ACVR1C: variants seen among roughly 807,000 people sequenced by gnomAD.
ACVR1C encodes the protein activin receptor type-1C.
In ACVR1C, 23 loss-of-function variants were observed where a neutral mutation model predicts 57.9. That is an observed-to-expected ratio of 0.40 (90% confidence interval 0.29 to 0.56). The LOEUF (loss-of-function observed/expected upper bound fraction) is 0.56, where lower values mean the gene tolerates loss of function less well. ACVR1C is among the 20% of genes least tolerant of loss of function. The pLI is 0.50. For missense variants in ACVR1C, 480 were observed against 607.9 expected (o/e 0.79, Z 2.21); for synonymous variants, 214 against 215.3 (o/e 0.99, Z 0.05).
intron 4 of ACVR1C, among the ~76,000 whole-genome samples, chr2:157,548,991 T>G (rs1395191236): frequency 6.6e-6 from 1 of 152,188 alleles, no homozygotes; most frequent in Non-Finnish European, 1.5e-5. Flanking sequence ...TCAGCTAGTA[T>G]TAATTGGTAT....
intron 1 of ACVR1C, among the ~76,000 whole-genome samples, chr2:157,591,859 G>T (rs1689059351): frequency 6.6e-6 from 1 of 152,012 alleles, no homozygotes; most frequent in Non-Finnish European, 1.5e-5. Context: ...ACAAAATGAG[G>T]CTCAAAAAGA....
rs960272513 is a variant in ACVR1C, at chr2:157,628,748, C to T, written c.-104G>A. On this transcript the variant is annotated 5_prime_UTR_variant, in exon 1 of 9. Coordinates refer to ENST00000243349, the MANE Select transcript of ACVR1C (RefSeq NM_145259.3). ...GTTCCCGGGCCGCGGGAGGGGAGCGCGGCACCGACACCCTTTTGAAGTGCG... is the reference window on the plus strand; with the variant it reads ...GTTCCCGGGCCGCGGGAGGGGAGCGTGGCACCGACACCCTTTTGAAGTGCG... 3.9e-6 allele frequency: 4 copies of T among 1,035,628 alleles called. No homozygotes were observed. The highest frequency in any genetic ancestry group is 3.3e-5 in the Admixed American group (1 of 30,432). 64.2% of individuals were successfully genotyped at this position (1,035,628 alleles called of 1,614,324 possible). A position where few individuals can be genotyped will look rare whatever the true frequency, so the allele number is the denominator to read the frequency against.
chr2:157,605,141 G>C (rs1167899248), intron 1 of ACVR1C, among the ~76,000 whole-genome samples: 4 of 151,350 alleles, frequency 2.6e-5, no homozygotes, highest in Non-Finnish European at 4.4e-5. Flanking sequence ...TGTTGAAAAG[G>C]CTATTCTTTC....
At chr2:157,557,072 G>A (rs1688122309) in intron 2 of ACVR1C, among the ~76,000 whole-genome samples, 1 of 151,792 alleles carries the variant, frequency 6.6e-6, no homozygotes, top group South Asian at 2.1e-4. Flanking sequence ...CAATGGTGAG[G>A]AAAGAGCCCA....
At chr2:157,581,339 A>T (rs1688785493) in intron 2 of ACVR1C, among the ~76,000 whole-genome samples, 1 of 152,178 alleles carries the variant, frequency 6.6e-6, no homozygotes, top group Non-Finnish European at 1.5e-5. Flanking sequence ...CTTTGAAAAT[A>T]TGAAAAAAAG....
At chr2:157,558,693 T>C (rs1184369223) in intron 2 of ACVR1C, among the ~76,000 whole-genome samples, 1 of 152,222 alleles carries the variant, frequency 6.6e-6, no homozygotes, top group East Asian at 1.9e-4. Context: ...CAGGTGCATA[T>C]GAGGAGAAAT....
At chr2:157,566,468 G>C (rs981292119) in intron 2 of ACVR1C, among the ~76,000 whole-genome samples, 3 of 152,214 alleles carry the variant, frequency 2.0e-5, no homozygotes, top group African/African-American at 7.2e-5. Context: ...TCTCACTACG[G>C]AGTGCCAGAC....
intron 7 of ACVR1C, among the ~76,000 whole-genome samples, chr2:157,540,281 T>A (rs1028472617): frequency 5.3e-5 from 8 of 152,210 alleles, no homozygotes; most frequent in Non-Finnish European, 1.2e-4. Flanking sequence ...AGCATTTAAC[T>A]TTTTCTCCAC....
chr2:157,544,389 T>C, intron 5 of ACVR1C, 56 bp downstream of exon 5: 1 of 1,464,674 alleles, frequency 6.8e-7, no homozygotes, highest in Non-Finnish European at 9.2e-7. Context: ...AAAATATAAC[T>C]AAGTACCTCT....
At chr2:157,628,392 A>G (rs1221862763) in intron 1 of ACVR1C, among the ~76,000 whole-genome samples, 180 bp downstream of exon 1, 1 of 151,760 alleles carries the variant, frequency 6.6e-6, no homozygotes, top group East Asian at 1.9e-4. Context: ...TACGGCTGCC[A>G]GACGTCAGGT....
intron 2 of ACVR1C, among the ~76,000 whole-genome samples, chr2:157,565,878 T>A (rs1202491260): frequency 1.3e-5 from 2 of 152,204 alleles, no homozygotes; most frequent in African/African-American, 2.4e-5. Context: ...TCCATTAGCA[T>A]TGGAATTTAA....
chr2:157,534,568 A>G (rs1687434592), intron 8 of ACVR1C, among the ~76,000 whole-genome samples: 2 of 152,194 alleles, frequency 1.3e-5, no homozygotes, highest in African/African-American at 4.8e-5. Flanking sequence ...AAAAAAATTC[A>G]TCAATCTGTA....
chr2:157,617,518 AG>A (rs2105155155), intron 1 of ACVR1C, among the ~76,000 whole-genome samples: 1 of 152,176 alleles, frequency 6.6e-6, no homozygotes, highest in Non-Finnish European at 1.5e-5. Context: ...TAGAGACATG[AG>A]GGAGCTCACT....
At chr2:157,561,069 C>CA (rs1688221793) in intron 2 of ACVR1C, among the ~76,000 whole-genome samples, 1 of 152,052 alleles carries the variant, frequency 6.6e-6, no homozygotes, top group African/African-American at 2.4e-5. Flanking sequence ...TGTTTAGAAA[C>CA]AAACAAACAA....
intron 2 of ACVR1C, among the ~76,000 whole-genome samples, chr2:157,583,826 T>G (rs1688848148): frequency 6.6e-6 from 1 of 152,046 alleles, no homozygotes; most frequent in Admixed American, 6.5e-5. Context: ...AAAATAAAAC[T>G]CCACCTTAAC....
intron 1 of ACVR1C, among the ~76,000 whole-genome samples, chr2:157,611,309 G>C (rs1682527061): frequency 1.3e-5 from 2 of 152,206 alleles, no homozygotes; most frequent in African/African-American, 4.8e-5. Context: ...AGTGGTATCT[G>C]TGATTTCCTC....
chr2:157,534,432 TA>T (rs971436601), intron 8 of ACVR1C, among the ~76,000 whole-genome samples: 22 of 152,146 alleles, frequency 1.4e-4, no homozygotes, highest in African/African-American at 4.6e-4. Flanking sequence ...AGAGACTAAC[TA>T]AAAAATGTTT....
intron 2 of ACVR1C, 44 bp downstream of exon 2, chr2:157,587,143 A>C (rs1433206495): frequency 6.7e-7 from 1 of 1,493,702 alleles, no homozygotes; most frequent in East Asian, 2.3e-5. Context: ...ATAGTTTCCC[A>C]AGAGTAAAAT....
intron 2 of ACVR1C, among the ~76,000 whole-genome samples, chr2:157,583,056 T>C (rs1486308534): frequency 6.6e-6 from 1 of 152,050 alleles, no homozygotes; most frequent in African/African-American, 2.4e-5. Context: ...AAATGGGGTT[T>C]CACCATGTTG....
Sources: allele counts gnomAD v4.1 joint callset (sites outside exome capture counted in the v4.1 genomes callset), GRCh38; gene constraint gnomAD v4.1.1; transcripts MANE v1.5; gene names NCBI Gene and HGNC (gene_info 2026-07-23, HGNC 2026-07-21).